Variants in RIC8B observed in about 807,000 individuals in gnomAD.
RIC8B encodes the protein chaperone Ric-8B.
RIC8B carries 16 observed loss-of-function variants against 57.5 expected under a neutral mutation model. The observed-to-expected ratio is 0.28, with a 90% CI of 0.19 to 0.42. The LOEUF (loss-of-function observed/expected upper bound fraction) is 0.42, where lower values mean the gene tolerates loss of function less well. Ranked by LOEUF, RIC8B falls within the 10% of genes least tolerant of loss-of-function variation. The pLI, the probability that RIC8B is intolerant of heterozygous loss-of-function variation, is 1.00. For synonymous variants in RIC8B, 216 were observed against 250.8 expected (o/e 0.86, Z 1.31); for missense variants, 481 against 677.0 (o/e 0.71, Z 3.21).
At chr12:106,799,567 A>C (rs2044638460) in intron 2 of RIC8B, among the ~76,000 whole-genome samples, 1 of 152,196 alleles carries the variant, frequency 6.6e-6, no homozygotes, top group African/African-American at 2.4e-5. Flanking sequence ...AAGATGCCTT[A>C]TACTTCATAA....
intron 2 of RIC8B, among the ~76,000 whole-genome samples, chr12:106,785,834 TG>T (rs2136173831): frequency 6.6e-6 from 1 of 150,864 alleles, no homozygotes; most frequent in African/African-American, 2.4e-5. Context: ...TGTGTGTGTG[TG>T]TGTGTGTGTG....
At chr12:106,779,472 T>TC (rs1287244329) in intron 1 of RIC8B, among the ~76,000 whole-genome samples, 1 of 151,980 alleles carries the variant, frequency 6.6e-6, no homozygotes, top group Non-Finnish European at 1.5e-5. Context: ...CCTCAAGTGA[T>TC]CCACTCACCT....
chr12:106,774,867 C>A, intron 1 of RIC8B, 38 bp downstream of exon 1: 1 of 1,464,986 alleles, frequency 6.8e-7, no homozygotes, highest in Non-Finnish European at 9.3e-7. Flanking sequence ...GTATCGCACC[C>A]CCGGGCCGCC....
intron 8 of RIC8B, among the ~76,000 whole-genome samples, chr12:106,861,860 C>T (rs1354555709): frequency 2.0e-5 from 3 of 152,066 alleles, no homozygotes; most frequent in Non-Finnish European, 4.4e-5. Context: ...TGTGTGGACA[C>T]ATTCAACTAT....
In RIC8B at chr12:106,843,881, A is replaced by C; in HGVS notation, c.1095A>C (p.Pro365=). The part of the protein sequence containing the change: ...KGSSYREGLT[P]VLSLLTECSR... Reference sequence around the variant, plus strand: ...GCAGCTATAGAGAGGGTCTAACTCCAGTTCTCAGCTTATTAACCGAATGTT... The same window carrying C: ...GCAGCTATAGAGAGGGTCTAACTCCCGTTCTCAGCTTATTAACCGAATGTT... Residue 365 remains proline (P), a synonymous_variant, in exon 6 of 10, where the codon CCA becomes CCC. Transcript: ENST00000392837. 5 of 1,613,756 alleles carry C rather than the reference A, an allele frequency of 3.1e-6. No individual in the cohort carries two copies. The highest frequency in any genetic ancestry group is 4.2e-6 in the Non-Finnish European group (5 of 1,179,856).
At position 106,887,975 on chromosome 12, in the gene RIC8B, A is replaced by C. The variant is rs1951250088; in HGVS notation, c.*1960A>C. 1 of 152,692 alleles carries C rather than the reference A, an allele frequency of 6.5e-6. No individual in the cohort carries two copies. The allele number at this position is 152,692 out of a possible 1,614,324, so 9.5% of individuals were successfully genotyped here. ...GAGGTGAGTGACCCAGGTTTTAACC[A>C]ACAGCAAAAGAAATGGGCAATTCAT... On this transcript the variant is annotated 3_prime_UTR_variant, in exon 10 of 10. Transcript: ENST00000392837.
intron 9 of RIC8B, chr12:106,872,991 C>CA: frequency 1.0e-6 from 1 of 983,922 alleles, no homozygotes; most frequent in Non-Finnish European, 1.2e-6. Context: ...ATCACAGGCA[C>CA]AGAAAACAAA....
At chr12:106,864,579 T>C (rs985735425) in intron 8 of RIC8B, among the ~76,000 whole-genome samples, 7 of 152,328 alleles carry the variant, frequency 4.6e-5, no homozygotes, top group Non-Finnish European at 7.4e-5. Context: ...TCAGGCAGCC[T>C]GACTCTAGAG....
intron 9 of RIC8B, among the ~76,000 whole-genome samples, chr12:106,880,255 G>T (rs1006820739): frequency 6.6e-6 from 1 of 152,140 alleles, no homozygotes; most frequent in Non-Finnish European, 1.5e-5. Context: ...TGACAATTTG[G>T]TAGGATGCTG....
Position 106,888,738 on chromosome 12 carries a change from G to A in RIC8B, c.*2723G>A, listed in dbSNP as rs1011819046. On this transcript the variant is annotated 3_prime_UTR_variant, in exon 10 of 10. Transcript: ENST00000392837. ...GATTTCCAATGAAGACCTGGAATCC[G>A]TTAGGATAGGCCAGGGACCAAGGCT... The A allele has an allele frequency of 2.6e-5, 4 of 152,570 alleles. No homozygotes were observed. Among genetic ancestry groups the A allele is most frequent in the Admixed American group, 6.5e-5 (1 of 15,276 alleles). The allele number at this position is 152,570 out of a possible 1,614,324, so 9.5% of individuals were successfully genotyped here.
chr12:106,876,859 C>G (rs1950688354), intron 9 of RIC8B, among the ~76,000 whole-genome samples: 1 of 151,992 alleles, frequency 6.6e-6, no homozygotes, highest in African/African-American at 2.4e-5. Context: ...ACTTCTGTTT[C>G]TACTACTTTA....
chr12:106,824,193 T>G (rs1380084202), intron 3 of RIC8B, among the ~76,000 whole-genome samples: 1 of 152,190 alleles, frequency 6.6e-6, no homozygotes, highest in Non-Finnish European at 1.5e-5. Flanking sequence ...AACCTTCAAA[T>G]GTTATATTGA....
At chr12:106,813,086 C>T (rs1472502913) in intron 2 of RIC8B, among the ~76,000 whole-genome samples, 4 of 150,876 alleles carry the variant, frequency 2.7e-5, no homozygotes, top group South Asian at 2.1e-4. Context: ...AATAATAAAA[C>T]GATTTACGTA....
rs534003182 is a variant in RIC8B, at chr12:106,840,214, T to C, written c.837-2375T>C. Reference sequence around the variant, plus strand: ...GTTCTTCAGTGTAATTTCATGTTTTTGTCCAGCGATTCACAGAGGACTAGA... The same window carrying C: ...GTTCTTCAGTGTAATTTCATGTTTTCGTCCAGCGATTCACAGAGGACTAGA... On this transcript the variant is annotated intron_variant, in intron 4 of 9. Transcript: ENST00000392837. Among the ~76,000 whole-genome samples, 22 of 152,302 alleles carry C rather than the reference T, an allele frequency of 1.4e-4. No homozygotes were observed. In the East Asian group the frequency reaches 3.9e-3, roughly 27 times the overall value.
At chr12:106,829,747 A>T (rs1448426024) in intron 4 of RIC8B, among the ~76,000 whole-genome samples, 1 of 152,178 alleles carries the variant, frequency 6.6e-6, no homozygotes, top group Non-Finnish European at 1.5e-5. Flanking sequence ...TCATTTATTC[A>T]TTAAGATGGC....
Position 106,774,723 on chromosome 12 carries a change from G to A in RIC8B, c.-23G>A. 6 of 1,541,562 alleles carry A rather than the reference G, an allele frequency of 3.9e-6. No individual in the cohort carries two copies. Among genetic ancestry groups the A allele is most frequent in the Admixed American group, 4.0e-5 (2 of 50,346 alleles). On this transcript the variant is annotated 5_prime_UTR_variant, in exon 1 of 10. Coordinates refer to ENST00000392837, the MANE Select transcript of RIC8B (RefSeq NM_001330145.2). ...AGCGGCTTGGGCGCGCAGAGCGGCC[G>A]CGGCTCCCCCGCACCTGCGGCCATG... is the stretch of plus-strand genomic sequence containing the variant.
rs113647456 is a variant in RIC8B at position 106,877,053 on chromosome 12, G to A, written c.1571+6111G>A. On this transcript the variant is annotated intron_variant, in intron 9 of 9. Coordinates refer to ENST00000392837, the MANE Select transcript of RIC8B (RefSeq NM_001330145.2). ...TTTTTCTCTATATTTTCTTAACCAT[G>A]CTGTTTACTGTGGGTAAATTAGGTG... is the stretch of plus-strand genomic sequence containing the variant. 1.7e-3 allele frequency among the ~76,000 whole-genome samples: 254 copies of A among 152,022 alleles called. 1 individual carries two copies. Among genetic ancestry groups the A allele is most frequent in the Middle Eastern group, 3.4e-3 (1 of 294 alleles).
chr12:106,825,571 T>G (rs2046058051), intron 3 of RIC8B, among the ~76,000 whole-genome samples, 155 bp from the exon 4 acceptor site: 1 of 152,234 alleles, frequency 6.6e-6, no homozygotes, highest in Admixed American at 6.5e-5. Flanking sequence ...TGACTATTAG[T>G]ATTGCCTCAG....
intron 7 of RIC8B, among the ~76,000 whole-genome samples, chr12:106,854,779 C>T (rs1447766586): frequency 6.6e-6 from 1 of 151,938 alleles, no homozygotes; most frequent in Non-Finnish European, 1.5e-5. Context: ...CAGAGCAAGA[C>T]TCCGTCTCAA....
Sources: gnomAD v4.1 joint callset for allele counts (sites outside exome capture counted in the v4.1 genomes callset) on GRCh38, gnomAD v4.1.1 for gene constraint, MANE v1.5 for transcripts, NCBI Gene and HGNC (gene_info 2026-07-23, HGNC 2026-07-21) for gene names.